CSMD3: variants seen among roughly 807,000 people sequenced by gnomAD.
CSMD3 encodes the protein CUB and Sushi multiple domains 3, also known as CUB and sushi domain-containing protein 3.
A neutral mutation model predicts 435.2 loss-of-function variants in CSMD3; 177 were observed. The observed-to-expected ratio is 0.41, with a 90% CI of 0.36 to 0.46. The LOEUF (loss-of-function observed/expected upper bound fraction) is 0.46. CSMD3 is among the 20% of genes least tolerant of loss of function. The pLI is 0.34. For missense variants in CSMD3, 4,265 were observed against 4,504.6 expected (o/e 0.95, Z 1.52); for synonymous variants, 1,656 against 1,520.5 (o/e 1.09, Z -2.07).
intron 7 of CSMD3, among the ~76,000 whole-genome samples, chr8:112,957,832 G>T (rs1180953221): frequency 1.3e-5 from 2 of 152,096 alleles, no homozygotes; most frequent in Non-Finnish European, 2.9e-5. Flanking sequence ...TGCAACCTCC[G>T]CCTCCCAGGA....
chr8:112,465,838 G>A (rs1252036103), intron 32 of CSMD3, among the ~76,000 whole-genome samples: 3 of 152,110 alleles, frequency 2.0e-5, no homozygotes, highest in South Asian at 2.1e-4. Context: ...AGCTGGATGT[G>A]GTGGTGGGCG....
intron 28 of CSMD3, among the ~76,000 whole-genome samples, chr8:112,515,802 A>T (rs1354034680): frequency 6.6e-6 from 1 of 151,952 alleles, no homozygotes; most frequent in Non-Finnish European, 1.5e-5. Flanking sequence ...TGGTGCATTT[A>T]GTGTTTTCTT....
chr8:113,131,270 C>T, intron 4 of CSMD3, among the ~76,000 whole-genome samples: 1 of 152,008 alleles, frequency 6.6e-6, no homozygotes, highest in Non-Finnish European at 1.5e-5. Flanking sequence ...ATCCCCAGGG[C>T]ATTTCAGAGA....
At chr8:113,017,613 C>T (rs957867182) in intron 6 of CSMD3, among the ~76,000 whole-genome samples, 1 of 151,698 alleles carries the variant, frequency 6.6e-6, no homozygotes, top group Non-Finnish European at 1.5e-5. Context: ...TTGGCCTTAA[C>T]TAATTGTAGA....
intron 47 of CSMD3, 108 bp from the exon 48 acceptor site, chr8:112,314,725 G>A: frequency 1.3e-6 from 1 of 772,180 alleles, no homozygotes; most frequent in South Asian, 1.5e-5. Context: ...CTATAAGGAT[G>A]ATACGTTGAA....
chr8:112,285,852 A>C (rs1441302813), intron 58 of CSMD3, among the ~76,000 whole-genome samples: 1 of 151,674 alleles, frequency 6.6e-6, no homozygotes, highest in Non-Finnish European at 1.5e-5. Context: ...CGGAGTCGCT[A>C]GGACTACAGG....
At chr8:112,997,113 T>G (rs2085683278) in intron 6 of CSMD3, among the ~76,000 whole-genome samples, 1 of 151,640 alleles carries the variant, frequency 6.6e-6, no homozygotes, top group Non-Finnish European at 1.5e-5. Flanking sequence ...AAATGAAATG[T>G]ACAGGAGAAA....
chr8:112,532,122 T>C (rs181236463), intron 27 of CSMD3, among the ~76,000 whole-genome samples: 176 of 151,882 alleles, frequency 1.2e-3, no homozygotes, highest in Non-Finnish European at 1.6e-3. Context: ...AACAGCAGAA[T>C]TGATTAAGCA....
At chr8:112,811,213 AT>A (rs2079217369) in intron 12 of CSMD3, among the ~76,000 whole-genome samples, 1 of 152,156 alleles carries the variant, frequency 6.6e-6, no homozygotes, top group Admixed American at 6.5e-5. Context: ...TTATCGTGTT[AT>A]AAAATAGTAA....
chr8:113,355,743 TATATATAC>T (rs2094219898), intron 1 of CSMD3, among the ~76,000 whole-genome samples: 3 of 104,810 alleles, frequency 2.9e-5, no homozygotes, highest in South Asian at 3.7e-4. Flanking sequence ...TATATATATA[TATATATAC>T]ACACACACAC....
intron 20 of CSMD3, among the ~76,000 whole-genome samples, chr8:112,642,935 GA>G (rs2074874553): frequency 6.6e-6 from 1 of 152,156 alleles, no homozygotes; most frequent in Admixed American, 6.5e-5. Flanking sequence ...TTCAGTTTTA[GA>G]AAACCACATT....
intron 59 of CSMD3, among the ~76,000 whole-genome samples, chr8:112,267,003 TTCTC>T (rs950613339): frequency 2.6e-5 from 4 of 151,868 alleles, no homozygotes; most frequent in East Asian, 1.9e-4. Context: ...GTTATTTTTT[TTCTC>T]TCTCTCTCTG....
intron 13 of CSMD3, among the ~76,000 whole-genome samples, chr8:112,690,710 T>C (rs1203150903): frequency 1.3e-5 from 2 of 151,952 alleles, no homozygotes; most frequent in Admixed American, 6.6e-5. Flanking sequence ...GAAAAAAATA[T>C]TTTAACACCA....
At chr8:112,506,578 A>C in intron 29 of CSMD3, 113 bp downstream of exon 29, 1 of 1,076,514 alleles carries the variant, frequency 9.3e-7, no homozygotes, top group Non-Finnish European at 1.4e-6. Context: ...GATAAGTAAA[A>C]AATAACAAAA....
In CSMD3 at chr8:112,315,259, A is replaced by G. The variant is rs2130842701; in HGVS notation, c.7361-642T>C. 1.3e-5 allele frequency among the ~76,000 whole-genome samples: 2 copies of G among 152,022 alleles called. 1 individual carries two copies. Among genetic ancestry groups the G allele is most frequent in the South Asian group, 4.1e-4 (2 of 4,830 alleles). On this transcript the variant is annotated intron_variant, in intron 47 of 70. Transcript: ENST00000297405. ...GCTTTAATATAATATATGTATATAT[A>G]TCAACACACTATAAAAACACATAAA...
chr8:113,216,899 G>C (rs76990629), intron 3 of CSMD3, among the ~76,000 whole-genome samples: 10,034 of 151,776 alleles, frequency 0.066, 448 homozygotes, highest in Non-Finnish European at 0.094. Flanking sequence ...GATTTCCCTG[G>C]GAAATTAGTC....
At chr8:112,237,799 T>C (rs1813727626) in intron 66 of CSMD3, among the ~76,000 whole-genome samples, 1 of 152,024 alleles carries the variant, frequency 6.6e-6, no homozygotes, top group South Asian at 2.1e-4. Flanking sequence ...CCTGCAAAAT[T>C]ATCATGAGAC....
At chr8:112,404,241 A>G (rs1041981253) in intron 35 of CSMD3, among the ~76,000 whole-genome samples, 1 of 152,210 alleles carries the variant, frequency 6.6e-6, no homozygotes, top group African/African-American at 2.4e-5. Context: ...TAAAAATTAC[A>G]TAACCTGGCT....
chr8:113,000,021 G>A (rs1487451454), intron 6 of CSMD3, among the ~76,000 whole-genome samples: 2 of 152,084 alleles, frequency 1.3e-5, no homozygotes, highest in Non-Finnish European at 2.9e-5. Context: ...TGGGAGTCAT[G>A]GGCATAGAGG....
Sources: allele counts gnomAD v4.1 joint callset (sites outside exome capture counted in the v4.1 genomes callset), GRCh38; gene constraint gnomAD v4.1.1; transcripts MANE v1.5; gene names NCBI Gene and HGNC (gene_info 2026-07-23, HGNC 2026-07-21).